Variants in SPHKAP observed in about 807,000 individuals in gnomAD.
SPHKAP encodes A-kinase anchor protein SPHKAP.
Under a neutral mutation model 137.5 loss-of-function variants are expected in SPHKAP, and 67 were observed. That is an observed-to-expected ratio of 0.49 (90% CI 0.40 to 0.60). SPHKAP has a LOEUF of 0.60. Among genes scored for constraint, SPHKAP ranks in the 20% least tolerant of loss-of-function variants. The probability of loss-of-function intolerance (pLI) is 0.00; values close to 1 mark genes in which losing one functional copy is unlikely to be tolerated. For missense variants in SPHKAP, 2,097 were observed against 2,069.3 expected, an observed-to-expected ratio of 1.01 and a Z score of -0.26; for synonymous variants, 813 against 785.3, an observed-to-expected ratio of 1.04 and a Z score of -0.59.
At chr2:228,020,717 AAAAAT>A (rs1314094842) in intron 6 of SPHKAP, among the ~76,000 whole-genome samples, 4 of 152,204 alleles carry the variant, frequency 2.6e-5, no homozygotes, top group Admixed American at 6.5e-5. Flanking sequence ...AAAGTATAAT[AAAAAT>A]AAAATAAATA....
At chr2:228,098,105 G>A (rs1698053457) in intron 3 of SPHKAP, among the ~76,000 whole-genome samples, 1 of 151,882 alleles carries the variant, frequency 6.6e-6, no homozygotes, top group Non-Finnish European at 1.5e-5. Flanking sequence ...CACCAGCAGT[G>A]TATAAGTTTT....
chr2:227,993,671 G>T (rs1693508933), intron 8 of SPHKAP, 51 bp from the exon 9 acceptor site: 2 of 1,446,558 alleles, frequency 1.4e-6, no homozygotes, highest in South Asian at 1.2e-5. Flanking sequence ...CCTCTAACAT[G>T]CTGCTGACAG....
chr2:228,006,108 TCTC>T (rs757585335), intron 7 of SPHKAP, among the ~76,000 whole-genome samples: 1 of 152,192 alleles, frequency 6.6e-6, no homozygotes, highest in Non-Finnish European at 1.5e-5. Context: ...TTGGGGAAGT[TCTC>T]CTGGATAATA....
In SPHKAP at chr2:227,993,728, A is replaced by G. The variant is rs1048303151; in HGVS notation, c.4635-108T>C. 1.1e-5 allele frequency: 11 copies of G among 1,005,146 alleles called. No homozygotes were observed. The African/African-American group carries it at 1.6e-4, about 15-fold the overall frequency. The allele number at this position is 1,005,146 out of a possible 1,614,324, so 62.3% of individuals were successfully genotyped here. A position where few individuals can be genotyped will look rare whatever the true frequency, so the allele number is the denominator to read the frequency against. ...GCTCCTTCCTTTGGTCCCCAGAAAA[A>G]TATCGCTTTGTGCCTAGGACACCTC... On this transcript the variant is annotated intron_variant, in intron 8 of 11. Transcript: ENST00000392056.
intron 7 of SPHKAP, among the ~76,000 whole-genome samples, chr2:228,005,754 C>T (rs563937480): frequency 6.6e-6 from 1 of 152,132 alleles, no homozygotes. Context: ...GGTGGTGACA[C>T]AATCTCTCAG....
At chr2:228,085,556 T>A (rs1697510160) in intron 3 of SPHKAP, among the ~76,000 whole-genome samples, 1 of 152,232 alleles carries the variant, frequency 6.6e-6, no homozygotes, top group Non-Finnish European at 1.5e-5. Flanking sequence ...TCCTTTAATG[T>A]CTAAGTAGCT....
At chr2:228,084,760 T>C (rs921368856) in intron 3 of SPHKAP, among the ~76,000 whole-genome samples, 7 of 152,334 alleles carry the variant, frequency 4.6e-5, no homozygotes, top group African/African-American at 1.7e-4. Context: ...TCCTTGTTCT[T>C]TAGATCAAAG....
intron 9 of SPHKAP, among the ~76,000 whole-genome samples, chr2:227,992,052 G>A (rs1449341477): frequency 6.6e-6 from 1 of 152,110 alleles, no homozygotes; most frequent in African/African-American, 2.4e-5. Context: ...TGCATGTAGT[G>A]GGAGGACTTG....
chr2:228,013,798 T>C (rs1298401668), intron 7 of SPHKAP, among the ~76,000 whole-genome samples: 2 of 152,182 alleles, frequency 1.3e-5, no homozygotes, highest in African/African-American at 4.8e-5. Flanking sequence ...GTGAAATCCA[T>C]GTTCTTTAAT....
At position 228,016,812 on chromosome 2, in the gene SPHKAP, C is replaced by G. The variant is rs758777002; in HGVS notation, c.4042G>C (p.Ala1348Pro). ...ATCCTGCTCGCAGCTAATCTATTTG[C>G]ACACTTCTCTGCTTGCGAGGGAGAG... is the stretch of plus-strand genomic sequence containing the variant. ...GGSPSQAEKC[A>P]NRLAASRMCS... Residue 1348 changes from alanine to proline, a missense_variant, in exon 7 of 12, where the codon GCA (alanine) becomes CCA (proline). By Grantham distance (27) the Ala-to-Pro change is conservative. Transcript: ENST00000392056. The G allele has an allele frequency of 1.9e-6, 3 of 1,614,026 alleles. No homozygotes were observed. The highest frequency in any genetic ancestry group is 1.7e-6 in the Non-Finnish European group (2 of 1,179,984).
At chr2:228,167,033 G>A (rs1377865560) in intron 1 of SPHKAP, among the ~76,000 whole-genome samples, 1 of 152,074 alleles carries the variant, frequency 6.6e-6, no homozygotes, top group Non-Finnish European at 1.5e-5. Flanking sequence ...AGCACCAAGA[G>A]GATGGTGCTA....
intron 3 of SPHKAP, among the ~76,000 whole-genome samples, chr2:228,033,190 C>A (rs888576248): frequency 1.3e-5 from 2 of 151,900 alleles, no homozygotes; most frequent in Non-Finnish European, 2.9e-5. Flanking sequence ...GAAGATCTAC[C>A]AAGCAAATGG....
intron 1 of SPHKAP, among the ~76,000 whole-genome samples, chr2:228,167,395 G>T (rs72617143): frequency 1.6e-4 from 24 of 152,006 alleles, no homozygotes; most frequent in African/African-American, 5.3e-4. Context: ...TGAAGTCAAC[G>T]TACCTTTTTA....
At chr2:227,994,116 A>G in intron 8 of SPHKAP, 1 of 974,998 alleles carries the variant, frequency 1.0e-6, no homozygotes, top group Non-Finnish European at 1.2e-6. Flanking sequence ...GGGACATTCC[A>G]TAGGATTTCA....
At chr2:228,154,103 A>T (rs897146311) in intron 1 of SPHKAP, among the ~76,000 whole-genome samples, 2 of 152,182 alleles carry the variant, frequency 1.3e-5, no homozygotes, top group African/African-American at 4.8e-5. Flanking sequence ...TGAAAAATAG[A>T]ATCAACCATC....
intron 3 of SPHKAP, among the ~76,000 whole-genome samples, chr2:228,089,935 G>A (rs1456748944): frequency 6.6e-6 from 1 of 152,178 alleles, no homozygotes; most frequent in African/African-American, 2.4e-5. Context: ...CTTACCAGAA[G>A]CACCCAGAGA....
At chr2:228,175,519 G>A (rs1574921241) in intron 1 of SPHKAP, among the ~76,000 whole-genome samples, 2 of 152,112 alleles carry the variant, frequency 1.3e-5, no homozygotes, top group South Asian at 2.1e-4. Context: ...AAATCCTGGA[G>A]CAACCACACA....
At chr2:227,992,194 T>C (rs1206191049) in intron 9 of SPHKAP, among the ~76,000 whole-genome samples, 1 of 152,238 alleles carries the variant, frequency 6.6e-6, no homozygotes, top group East Asian at 1.9e-4. Context: ...AATGTGTTGT[T>C]TGACGATAGA....
At chr2:228,045,074 C>T (rs1420401717) in intron 3 of SPHKAP, among the ~76,000 whole-genome samples, 7 of 151,876 alleles carry the variant, frequency 4.6e-5, no homozygotes, top group Non-Finnish European at 8.8e-5. Flanking sequence ...GTTAGAATGG[C>T]AATCATTAAA....
Sources: gnomAD v4.1 joint callset for allele counts (sites outside exome capture counted in the v4.1 genomes callset) on GRCh38, gnomAD v4.1.1 for gene constraint, MANE v1.5 for transcripts, NCBI Gene and HGNC (gene_info 2026-07-23, HGNC 2026-07-21) for gene names.